Variants in LIAS observed in about 807,000 individuals in gnomAD.
LIAS encodes lipoic acid synthetase.
LIAS carries 36 observed loss-of-function variants against 49.4 expected under a neutral mutation model. That is an observed-to-expected ratio of 0.73 (90% CI 0.56 to 0.96). The LOEUF is 0.96. Ranked by LOEUF, LIAS falls within the 40% of genes least tolerant of loss-of-function variation. LIAS has a pLI of 0.00. For synonymous variants in LIAS, 145 were observed against 155.8 expected (o/e 0.93, Z 0.52); for missense variants, 399 against 456.3 (o/e 0.87, Z 1.14).
chr4:39,471,419 T>C (rs1048288516), intron 9 of LIAS, 113 bp downstream of exon 9: 6 of 744,528 alleles, frequency 8.1e-6, no homozygotes, highest in Non-Finnish European at 1.3e-5. Context: ...CTGTAATCTC[T>C]GCTTCCTGGG....
At position 39,477,069 on chromosome 4, in the gene LIAS, T is replaced by G. The variant is rs148840111; in HGVS notation, c.1073T>G (p.Phe358Cys). Residue 358 changes from phenylalanine (F) to cysteine (C), a missense_variant, in exon 11 of 11, where the codon TTT becomes TGT. Phe to Cys is a radical substitution (Grantham distance 205). Coordinates refer to ENST00000640888, the MANE Select transcript of LIAS (RefSeq NM_006859.4). ...LVRSSYKAGE[F>C]FLKNLVAKRK... Reference sequence around the variant, plus strand: ...TTTCCTTTTTCCTAAATAGGTGAATTTTTCCTGAAAAATCTAGTGGCTAAA... The same window carrying G: ...TTTCCTTTTTCCTAAATAGGTGAATGTTTCCTGAAAAATCTAGTGGCTAAA... 7.5e-6 allele frequency: 12 copies of G among 1,591,272 alleles called. No homozygotes were observed. Among genetic ancestry groups the G allele is most frequent in the Non-Finnish European group, 1.0e-5 (12 of 1,167,088 alleles).
intron 1 of LIAS, among the ~76,000 whole-genome samples, chr4:39,459,697 A>G (rs1243585062): frequency 6.6e-6 from 1 of 152,242 alleles, no homozygotes; most frequent in Non-Finnish European, 1.5e-5. Context: ...GAATACCATG[A>G]TTTCTTATGT....
chr4:39,471,452 C>A (rs2608831), intron 9 of LIAS, 146 bp downstream of exon 9: 1 of 525,938 alleles, frequency 1.9e-6, no homozygotes, highest in Non-Finnish European at 3.3e-6. Flanking sequence ...TCCTGCCTCA[C>A]CCTCCTGAGC....
At position 39,477,206 on chromosome 4, in the gene LIAS, G is replaced by A. The variant is rs1289375235; in HGVS notation, c.*91G>A. The A allele has an allele frequency of 8.4e-6, 8 of 953,124 alleles. No homozygotes were observed. Among genetic ancestry groups the A allele is most frequent in the Admixed American group, 2.5e-5 (1 of 40,196 alleles). The allele number at this position is 953,124 out of a possible 1,614,324, so 59.0% of individuals were successfully genotyped here. On this transcript the variant is annotated 3_prime_UTR_variant, in exon 11 of 11. Transcript: ENST00000640888. ...GGTGCCAGAATGCCTGGACTGCAGT[G>A]GATGTGCCCCACCTCTTTGCTTAAA... is the stretch of plus-strand genomic sequence containing the variant.
In LIAS at chr4:39,471,326, CTTTTT is replaced by C; in HGVS notation, c.954+33_954+37del. On this transcript the variant is annotated intron_variant, in intron 9 of 10. Transcript: ENST00000640888. ...CTTAAGGTACATGTATCTTGATTTG[CTTTTT>C]TTTTTTTTTTTTATTTTTAAAGATG... 75 of 1,242,306 alleles carry C rather than the reference CTTTTT, an allele frequency of 6.0e-5. No homozygotes were observed. Among genetic ancestry groups the C allele is most frequent in the Non-Finnish European group, 6.7e-5 (61 of 907,288 alleles). The allele number at this position is 1,242,306 out of a possible 1,614,324, so 77.0% of individuals were successfully genotyped here. A position where few individuals can be genotyped will look rare whatever the true frequency, so the allele number is the denominator to read the frequency against.
Position 39,459,130 on chromosome 4 carries a change from T to C in LIAS, c.13T>C (p.Cys5Arg). 1 of 1,613,974 alleles carries C rather than the reference T, an allele frequency of 6.2e-7. No homozygotes were observed. Among genetic ancestry groups the C allele is most frequent in the Non-Finnish European group, 8.5e-7 (1 of 1,180,012 alleles). The change falls in exon 1 of 11, where the codon TGC (cysteine) becomes CGC (arginine). Residue 5 changes from cysteine to arginine, a missense_variant. By Grantham distance (180) the Cys-to-Arg change is radical (BLOSUM62 -3). Around this residue, in one of 3 missense-constraint regions of LIAS, gnomAD observed 159 missense variants for 147.6 expected, o/e 1.08. Transcript: ENST00000640888. ...TCCTAAAGAGGAAATGTCTCTACGC[T>C]GCGGGGATGCAGCCCGCACCCTGGG... is the stretch of plus-strand genomic sequence containing the variant. MSLRCGDAARTLGPR... is the reference protein window; with the variant it reads MSLRRGDAARTLGPR...
chr4:39,459,534 G>T (rs1166570522), intron 1 of LIAS, among the ~76,000 whole-genome samples: 3 of 152,202 alleles, frequency 2.0e-5, no homozygotes, highest in Non-Finnish European at 4.4e-5. Flanking sequence ...CTAGGCTTCA[G>T]CGGCAGACAT....
In LIAS at chr4:39,460,930, TAAAGG is replaced by T; in HGVS notation, c.190_194del (p.Gly64ProfsTer27). 1.2e-6 allele frequency: 2 copies of T among 1,604,662 alleles called. No individual in the cohort carries two copies. The highest frequency in any genetic ancestry group is 1.7e-6 in the Non-Finnish European group (2 of 1,176,866). Reference sequence around the variant, plus strand: ...CAGACAGGAGCACCTGGGATGAATATAAAGGAAACCTAAAACGCCAGAAAGGAGAA... The same window carrying T: ...CAGACAGGAGCACCTGGGATGAATATAAACCTAAAACGCCAGAAAGGAGAA... On this transcript the variant is annotated frameshift_variant, in exon 2 of 11. Transcript: ENST00000640888. LOFTEE classifies it high-confidence loss of function.
chr4:39,474,448 A>T (rs1745115187), intron 10 of LIAS, among the ~76,000 whole-genome samples: 1 of 151,368 alleles, frequency 6.6e-6, no homozygotes, highest in African/African-American at 2.4e-5. Context: ...AATAAAATAA[A>T]AAAAAGAAAC....
At position 39,467,649 on chromosome 4, in the gene LIAS, G is replaced by T; in HGVS notation, c.737+3G>T. On this transcript the variant is annotated splice_donor_region_variant and intron_variant, in intron 7 of 10. Coordinates refer to ENST00000640888, the MANE Select transcript of LIAS (RefSeq NM_006859.4). ...GAAACAGTCCCGGAATTACAGAGGTGAATACGTGTACAAAGTAATGTTGGG... is the reference window on the plus strand; with the variant it reads ...GAAACAGTCCCGGAATTACAGAGGTTAATACGTGTACAAAGTAATGTTGGG... The T allele has an allele frequency of 6.4e-7, 1 of 1,566,314 alleles. No individual in the cohort carries two copies. The highest frequency in any genetic ancestry group is 1.2e-5 in the South Asian group (1 of 84,086).
chr4:39,471,130 G>A (rs888234685), intron 8 of LIAS, 106 bp from the exon 9 acceptor site: 6 of 765,342 alleles, frequency 7.8e-6, no homozygotes, highest in Non-Finnish European at 1.1e-5. Context: ...TGAAGATTAT[G>A]GACTGTCATA....
Position 39,463,782 on chromosome 4 carries a change from C to T in LIAS, c.393+177C>T, listed in dbSNP as rs953206053. 4.9e-6 allele frequency: 6 copies of T among 1,235,786 alleles called. No individual in the cohort carries two copies. In the African/African-American group the frequency reaches 7.7e-5, roughly 16 times the overall value. The allele number at this position is 1,235,786 out of a possible 1,614,324, so 76.6% of individuals were successfully genotyped here. ...TAATCCAACCTGTTGTAATCTCACC[C>T]TTCTCTGAATAAATCTATTATTGGT... On this transcript the variant is annotated intron_variant, in intron 4 of 10. Transcript: ENST00000640888.
At chr4:39,465,383 G>T in intron 6 of LIAS, 41 bp downstream of exon 6, 2 of 1,552,252 alleles carry the variant, frequency 1.3e-6, no homozygotes, top group South Asian at 1.2e-5. Context: ...GACCTTTTTG[G>T]ACCCATATGA....
At chr4:39,474,262 C>CAA (rs34137564) in intron 10 of LIAS, among the ~76,000 whole-genome samples, 5,730 of 92,218 alleles carry the variant, frequency 0.062, 202 homozygotes, top group Non-Finnish European at 0.074. Flanking sequence ...GACTCTGTCT[C>CAA]AAAAAAAAAA....
At chr4:39,460,112 C>T (rs1744387555) in intron 1 of LIAS, among the ~76,000 whole-genome samples, 5 of 152,224 alleles carry the variant, frequency 3.3e-5, no homozygotes, top group Non-Finnish European at 7.3e-5. Flanking sequence ...GCCCCTGATT[C>T]AAGTCAGGAC....
rs766358314 is a variant in LIAS at position 39,460,749 on chromosome 4, G to A, written c.46-41G>A. ...TGATGGGTTAAAACTAAATTATTAC[G>A]GACTCCACTAAATAAACGTCATAAT... On this transcript the variant is annotated intron_variant, in intron 1 of 10. Transcript: ENST00000640888. The A allele has an allele frequency of 4.1e-6, 6 of 1,479,612 alleles. No homozygotes were observed. In the African/African-American group the frequency reaches 5.7e-5, roughly 14 times the overall value. 91.7% of individuals were successfully genotyped at this position (1,479,612 alleles called of 1,614,324 possible). A position where few individuals can be genotyped will look rare whatever the true frequency, so the allele number is the denominator to read the frequency against.
At chr4:39,465,573 C>CTTTA (rs1383481539) in intron 6 of LIAS, among the ~76,000 whole-genome samples, 1 of 152,106 alleles carries the variant, frequency 6.6e-6, no homozygotes, top group Non-Finnish European at 1.5e-5. Context: ...ACCCATAGAC[C>CTTTA]TTTAGCCCAT....
chr4:39,459,149 C>T lies in LIAS; in HGVS notation c.32C>T (p.Thr11Ile), dbSNP rs573005019. ...CTACGCTGCGGGGATGCAGCCCGCA[C>T]CCTGGGGCCCCGGGTGAGCGGCGGG... MSLRCGDAAR[T>I]LGPRVFGRYF... The change falls in exon 1 of 11, where the codon ACC (threonine) becomes ATC (isoleucine). Residue 11 changes from threonine to isoleucine, a missense_variant. This residue lies in a region of LIAS where 159 missense variants were observed against 147.6 expected (regional missense o/e 1.08). Transcript: ENST00000640888. The T allele has an allele frequency of 6.2e-7, 1 of 1,613,484 alleles. No individual in the cohort carries two copies. Among genetic ancestry groups the T allele is most frequent in the Admixed American group, 1.7e-5 (1 of 60,014 alleles).
rs1064793165 is a variant in LIAS, at chr4:39,473,128, T to A, written c.983T>A (p.Phe328Tyr). 1.2e-6 allele frequency: 2 copies of A among 1,608,376 alleles called. No individual in the cohort carries two copies. The highest frequency in any genetic ancestry group is 1.3e-5 in the African/African-American group (1 of 74,824). ...KVEEYITPEKFKYWEKVGNEL... is the reference protein window; with the variant it reads ...KVEEYITPEKYKYWEKVGNEL... Reference sequence around the variant, plus strand: ...GAAGAATATATTACTCCTGAAAAATTCAAATACTGGGAAAAAGTAGGAAAT... The same window carrying A: ...GAAGAATATATTACTCCTGAAAAATACAAATACTGGGAAAAAGTAGGAAAT... The change falls in exon 10 of 11, where the codon TTC becomes TAC. Residue 328 changes from phenylalanine to tyrosine, a missense_variant. Physicochemically the swap from Phe to Tyr is conservative, Grantham distance 22. This residue lies in a region of LIAS where 234 missense variants were observed against 292.2 expected (regional missense o/e 0.80). Transcript: ENST00000640888.
Sources: gnomAD v4.1 joint callset for allele counts (sites outside exome capture counted in the v4.1 genomes callset) on GRCh38, gnomAD v4.1.1 for gene constraint, gnomAD v4.1.1 regional missense constraint, MANE v1.5 for transcripts, NCBI Gene and HGNC (gene_info 2026-07-23, HGNC 2026-07-21) for gene names.